The following STRA6 variants were observed in gnomAD, a reference collection of about 807,000 sequenced individuals.
The protein encoded by STRA6 is receptor for retinol uptake STRA6.
In STRA6, 48 loss-of-function variants were observed where a neutral mutation model predicts 83.6. The ratio of observed to expected loss-of-function variants is 0.57; its 90% CI spans 0.46 to 0.73. The LOEUF (loss-of-function observed/expected upper bound fraction) is 0.73, where lower values mean the gene tolerates loss of function less well. Ranked by LOEUF, STRA6 falls within the 30% of genes least tolerant of loss-of-function variation. The probability of loss-of-function intolerance (pLI) is 0.00; values close to 1 mark genes in which losing one functional copy is unlikely to be tolerated. For synonymous variants in STRA6, 353 were observed against 362.3 expected (o/e 0.97, Z 0.29); for missense variants, 760 against 838.8 (o/e 0.91, Z 1.16).
At chr15:74,193,297 C>T (rs2073643460) in intron 8 of STRA6, among the ~76,000 whole-genome samples, 1 of 152,216 alleles carries the variant, frequency 6.6e-6, no homozygotes, top group African/African-American at 2.4e-5. Flanking sequence ...TCTCATCACT[C>T]TAGATCTCCC....
At chr15:74,189,082 C>T (rs1595838210) in intron 12 of STRA6, 33 bp downstream of exon 12, 2 of 1,613,098 alleles carry the variant, frequency 1.2e-6, no homozygotes, top group East Asian at 4.5e-5. Context: ...TCATTCCCCA[C>T]TGCAGCCCTC....
intron 1 of STRA6, 94 bp from the exon 2 acceptor site, chr15:74,202,376 C>G (rs1001320045): frequency 1.3e-6 from 2 of 1,548,216 alleles, no homozygotes; most frequent in South Asian, 2.4e-5. Flanking sequence ...AAAACCCAAA[C>G]AAAGAAACAT....
In STRA6 at chr15:74,179,856, T is replaced by G; in HGVS notation, c.*224A>C. 1 of 592,354 alleles carries G rather than the reference T, an allele frequency of 1.7e-6. No homozygotes were observed. Among genetic ancestry groups the G allele is most frequent in the South Asian group, 2.3e-5 (1 of 43,896 alleles). 36.7% of individuals were successfully genotyped at this position (592,354 alleles called of 1,614,324 possible). A position where few individuals can be genotyped will look rare whatever the true frequency, so the allele number is the denominator to read the frequency against. Reference sequence around the variant, plus strand: ...TGGACCAAGGCCCTAACCCACCAGTTTCTTTCTCCAGAACCCCTGCTGGCT... The same window carrying G: ...TGGACCAAGGCCCTAACCCACCAGTGTCTTTCTCCAGAACCCCTGCTGGCT... On this transcript the variant is annotated 3_prime_UTR_variant, in exon 19 of 19. Transcript: ENST00000395105.
At chr15:74,209,287 G>C (rs1182195515), upstream of STRA6, 35 of 1,351,908 alleles carry the variant, frequency 2.6e-5, no homozygotes, top group Non-Finnish European at 3.6e-5. Context: ...CAGTGGAGAA[G>C]CCTGCACAGG....
intron 16 of STRA6, 146 bp from the exon 17 acceptor site, chr15:74,181,604 C>T: frequency 8.7e-7 from 1 of 1,149,606 alleles, no homozygotes. Context: ...CCACCCTGGG[C>T]AAGGCCTTCT....
intron 8 of STRA6, among the ~76,000 whole-genome samples, chr15:74,192,598 A>C (rs984440035): frequency 2.6e-5 from 4 of 152,090 alleles, no homozygotes; most frequent in African/African-American, 7.2e-5. Flanking sequence ...AGGACCAAGC[A>C]TCATCCCAGG....
upstream of STRA6, among the ~76,000 whole-genome samples, chr15:74,204,951 A>G (rs1163128975): frequency 1.3e-5 from 2 of 152,162 alleles, no homozygotes; most frequent in Admixed American, 6.5e-5. Flanking sequence ...AAAGAAAGAA[A>G]GAAAGAAAAG....
At position 74,196,151 on chromosome 15, in the gene STRA6, GCA is replaced by G; in HGVS notation, c.267-6_267-5del. ...CCCAGCCAAGAAATCCACAGGGCTA[GCA>G]CAGAGGCAAGGACAGGGCAGGAGGG... On this transcript the variant is annotated splice_polypyrimidine_tract_variant and splice_region_variant and intron_variant, in intron 4 of 18. Coordinates refer to ENST00000395105, the MANE Select transcript of STRA6 (RefSeq NM_022369.4). The G allele has an allele frequency of 6.2e-7, 1 of 1,613,572 alleles. No homozygotes were observed. The highest frequency in any genetic ancestry group is 8.5e-7 in the Non-Finnish European group (1 of 1,179,980).
intron 17 of STRA6, 36 bp from the exon 18 acceptor site, chr15:74,180,973 C>G: frequency 1.9e-6 from 3 of 1,611,450 alleles, no homozygotes; most frequent in Non-Finnish European, 2.5e-6. Flanking sequence ...GCTGGGGGAG[C>G]AGGGGCCACA....
At chr15:74,208,603 C>A (rs550757423) in intron 1 of STRA6, among the ~76,000 whole-genome samples, 2 of 152,302 alleles carry the variant, frequency 1.3e-5, no homozygotes, top group African/African-American at 4.8e-5. Flanking sequence ...CTGCTAGCCC[C>A]CCAGTGTCCC....
exon 1 of STRA6, chr15:74,208,813 C>T: frequency 1.0e-6 from 1 of 988,474 alleles, no homozygotes. Context: ...CAATCAAGCG[C>T]TCTCCTGACC....
chr15:74,197,565 G>T lies in STRA6; in HGVS notation c.181-142C>A, dbSNP rs150712067. ...TGACATCTTGGGGACTGGTCAAGGG[G>T]TGACAGACATCTGGAAGGTTGGACT... On this transcript the variant is annotated intron_variant, in intron 3 of 18. Transcript: ENST00000395105. 75 of 1,080,862 alleles carry T rather than the reference G, an allele frequency of 6.9e-5. No individual in the cohort carries two copies. The African/African-American group carries it at 1.0e-3, about 14-fold the overall frequency. 67.0% of individuals were successfully genotyped at this position (1,080,862 alleles called of 1,614,324 possible). A position where few individuals can be genotyped will look rare whatever the true frequency, so the allele number is the denominator to read the frequency against.
intron 5 of STRA6, 125 bp from the exon 6 acceptor site, chr15:74,195,800 T>C: frequency 1.1e-6 from 1 of 910,362 alleles, no homozygotes; most frequent in South Asian, 1.7e-5. Flanking sequence ...TCTCAGTTCC[T>C]CCATTGCAAA....
At chr15:74,203,921 G>A (rs1396808397), upstream of STRA6, among the ~76,000 whole-genome samples, 2 of 152,162 alleles carry the variant, frequency 1.3e-5, no homozygotes, top group Non-Finnish European at 2.9e-5. Flanking sequence ...GGGGGTGGGG[G>A]AAAGTGTGTT....
rs2073020796 is a variant in STRA6 at position 74,182,070 on chromosome 15, T to C, written c.1520+91A>G. 1.5e-5 allele frequency: 16 copies of C among 1,100,762 alleles called. No individual in the cohort carries two copies. The East Asian group carries it at 2.4e-4, about 16-fold the overall frequency. The allele number at this position is 1,100,762 out of a possible 1,614,324, so 68.2% of individuals were successfully genotyped here. A position where few individuals can be genotyped will look rare whatever the true frequency, so the allele number is the denominator to read the frequency against. On this transcript the variant is annotated intron_variant, in intron 16 of 18. Transcript: ENST00000395105. ...TGGGTTCCTTGATAGAGAGAAGGGA[T>C]AGATGGCAGTGGAGGGAGGACACAA...
chr15:74,209,373 A>G (rs2074332384), upstream of STRA6: 7 of 1,535,340 alleles, frequency 4.6e-6, no homozygotes, highest in Non-Finnish European at 6.1e-6. Context: ...ATTTGTCCCC[A>G]TCCATCACTC....
At chr15:74,191,863 C>A (rs113426451) in intron 8 of STRA6, 8 of 387,912 alleles carry the variant, frequency 2.1e-5, no homozygotes, top group African/African-American at 1.7e-4. Context: ...TTGTGTCCCA[C>A]GGGCACATCC....
chr15:74,206,156 A>G (rs537105868), upstream of STRA6, among the ~76,000 whole-genome samples: 111 of 152,326 alleles, frequency 7.3e-4, 1 homozygote, highest in African/African-American at 2.6e-3. Context: ...AGTTGTAACA[A>G]GAAGGTCACA....
chr15:74,201,266 T>C (rs1443720064), intron 2 of STRA6, among the ~76,000 whole-genome samples: 1 of 152,168 alleles, frequency 6.6e-6, no homozygotes, highest in African/African-American at 2.4e-5. Context: ...AGTTTCAGGT[T>C]TTGATGGAGA....
Sources: gnomAD v4.1 joint callset for allele counts (sites outside exome capture counted in the v4.1 genomes callset) on GRCh38, gnomAD v4.1.1 for gene constraint, MANE v1.5 for transcripts, NCBI Gene and HGNC (gene_info 2026-07-23, HGNC 2026-07-21) for gene names.